Variants in PDE1A observed in about 807,000 individuals in gnomAD.
The protein encoded by PDE1A is dual specificity calcium/calmodulin-dependent 3',5'-cyclic nucleotide phosphodiesterase 1A.
PDE1A carries 35 observed loss-of-function variants against 61.7 expected under a neutral mutation model. That is an observed-to-expected ratio of 0.57 (90% CI 0.43 to 0.75). The LOEUF is 0.75. Ranked by LOEUF, PDE1A falls within the 30% of genes least tolerant of loss-of-function variation. The pLI, the probability that PDE1A is intolerant of heterozygous loss-of-function variation, is 0.00. For missense variants in PDE1A, 597 were observed against 630.6 expected (o/e 0.95, Z 0.57); for synonymous variants, 232 against 213.2 (o/e 1.09, Z -0.77).
intron 1 of PDE1A, among the ~76,000 whole-genome samples, chr2:182,271,197 A>G (rs1422649448): frequency 6.6e-6 from 1 of 151,866 alleles, no homozygotes; most frequent in Non-Finnish European, 1.5e-5. Flanking sequence ...AAAAAAAAAA[A>G]AAAAGCTACC....
At chr2:182,150,926 T>C in intron 13 of PDE1A, among the ~76,000 whole-genome samples, 1 of 152,298 alleles carries the variant, frequency 6.6e-6, no homozygotes. Context: ...TGTCCTCCAG[T>C]CAGGGTCTCA....
At chr2:182,159,304 TTATAAC>T (rs765706485) in intron 13 of PDE1A, among the ~76,000 whole-genome samples, 2 of 152,196 alleles carry the variant, frequency 1.3e-5, no homozygotes, top group Non-Finnish European at 2.9e-5. Context: ...GATGGTCCAT[TTATAAC>T]TATATAGAGT....
chr2:182,375,393 A>G (rs918101717), intron 1 of PDE1A, among the ~76,000 whole-genome samples: 33 of 152,284 alleles, frequency 2.2e-4, no homozygotes, highest in African/African-American at 7.2e-4. Flanking sequence ...TCCAAATGGG[A>G]GAAATTGATG....
downstream of PDE1A, among the ~76,000 whole-genome samples, chr2:182,144,679 T>C: frequency 6.6e-6 from 1 of 152,200 alleles, no homozygotes; most frequent in East Asian, 1.9e-4. Flanking sequence ...CTTTCTGTGA[T>C]GGCAGCCAGC....
intron 11 of PDE1A, among the ~76,000 whole-genome samples, chr2:182,187,703 G>A (rs1685327837): frequency 6.6e-6 from 1 of 150,624 alleles, no homozygotes; most frequent in African/African-American, 2.4e-5. Context: ...GACCACCTAG[G>A]GTACTATTTT....
At chr2:182,580,990 T>C in the PDE1A span, among the ~76,000 whole-genome samples, 4 of 152,178 alleles carry the variant, frequency 2.6e-5, no homozygotes, top group African/African-American at 9.7e-5. Flanking sequence ...TGAAATACCT[T>C]ACCATCCTAC....
At chr2:182,333,961 A>G (rs1056715354) in intron 1 of PDE1A, among the ~76,000 whole-genome samples, 3 of 152,200 alleles carry the variant, frequency 2.0e-5, no homozygotes, top group African/African-American at 7.2e-5. Flanking sequence ...CCTCTATGCA[A>G]ATAAACCAGA....
At chr2:182,632,619 C>T in the PDE1A span, among the ~76,000 whole-genome samples, 1 of 151,992 alleles carries the variant, frequency 6.6e-6, no homozygotes, top group Non-Finnish European at 1.5e-5. Context: ...CCACTGGGTT[C>T]TAGACTTATG....
rs577233923 is a variant in PDE1A at position 182,342,410 on chromosome 2, A to G, written c.54-77996T>C. ...AACATCACCTAAACATAGGCCAGGC[A>G]CGGTGGCTCACGCCTGTAATCCCAG... On this transcript the variant is annotated intron_variant, in intron 1 of 13. Coordinates refer to ENST00000351439, the Ensembl canonical transcript of PDE1A. 4.6e-5 allele frequency among the ~76,000 whole-genome samples: 7 copies of G among 152,330 alleles called. No individual in the cohort carries two copies. The South Asian group carries it at 8.3e-4, about 18-fold the overall frequency.
At chr2:182,419,336 C>CTT (rs35320184) in intron 1 of PDE1A, among the ~76,000 whole-genome samples, 2,229 of 132,578 alleles carry the variant, frequency 0.017, 38 homozygotes, top group South Asian at 0.054. Flanking sequence ...TTTTTCTTTT[C>CTT]TTTTTTTTTT....
chr2:182,357,289 A>C (rs9678854), intron 1 of PDE1A, among the ~76,000 whole-genome samples: 14 of 151,906 alleles, frequency 9.2e-5, no homozygotes, highest in African/African-American at 2.7e-4. Context: ...ACAAAAAAAA[A>C]CAAACAAACA....
chr2:182,591,056 T>C, the PDE1A span, among the ~76,000 whole-genome samples: 1 of 152,194 alleles, frequency 6.6e-6, no homozygotes, highest in Admixed American at 6.5e-5. Context: ...ATGCCAGTAG[T>C]TCCTTAAGAT....
At chr2:182,562,582 C>T in the PDE1A span, among the ~76,000 whole-genome samples, 15 of 152,014 alleles carry the variant, frequency 9.9e-5, no homozygotes, top group Non-Finnish European at 1.8e-4. Flanking sequence ...AATGAGTTAG[C>T]GAGGATTCCC....
At chr2:182,475,683 A>G (rs1687310755) in intron 2 of PDE1A, among the ~76,000 whole-genome samples, 1 of 151,966 alleles carries the variant, frequency 6.6e-6, no homozygotes, top group Admixed American at 6.6e-5. Flanking sequence ...CAAACATACC[A>G]GATTTTTTTG....
At chr2:182,281,759 A>G (rs1275892906) in intron 1 of PDE1A, among the ~76,000 whole-genome samples, 1 of 151,966 alleles carries the variant, frequency 6.6e-6, no homozygotes, top group Non-Finnish European at 1.5e-5. Context: ...ATTGTTTTAC[A>G]GTCACTCTGA....
At chr2:182,474,995 T>C (rs12468232) in intron 2 of PDE1A, among the ~76,000 whole-genome samples, 24,788 of 151,990 alleles carry the variant, frequency 0.16, 2,502 homozygotes, top group Middle Eastern at 0.31. Flanking sequence ...CAGTGTGGCT[T>C]GACATCATTC....
At chr2:182,671,483 C>T in the PDE1A span, among the ~76,000 whole-genome samples, 10 of 151,612 alleles carry the variant, frequency 6.6e-5, no homozygotes, top group African/African-American at 1.7e-4. Flanking sequence ...CCACCACACC[C>T]GGCCTGGATC....
intron 1 of PDE1A, among the ~76,000 whole-genome samples, chr2:182,371,060 G>A (rs1182202115): frequency 6.6e-6 from 1 of 152,120 alleles, no homozygotes; most frequent in Non-Finnish European, 1.5e-5. Context: ...AGAGGTATAG[G>A]CTAGGCAGAA....
chr2:182,519,227 A>G (rs576319425), intron 2 of PDE1A, among the ~76,000 whole-genome samples: 8 of 152,102 alleles, frequency 5.3e-5, no homozygotes, highest in Non-Finnish European at 1.2e-4. Context: ...AGATGGCATA[A>G]GAAATAGGAA....
Sources: allele counts gnomAD v4.1 joint callset (sites outside exome capture counted in the v4.1 genomes callset), GRCh38; gene constraint gnomAD v4.1.1; transcripts MANE v1.5; gene names NCBI Gene and HGNC (gene_info 2026-07-23, HGNC 2026-07-21).